Variants in NSD1 observed in about 807,000 individuals in gnomAD.
The protein encoded by NSD1 is histone-lysine N-methyltransferase, H3 lysine-36 specific.
In NSD1, 26 loss-of-function variants were observed where a neutral mutation model predicts 242.7. The ratio of observed to expected loss-of-function variants is 0.11; its 90% CI spans 0.08 to 0.15. NSD1 has a LOEUF of 0.15. Ranked by LOEUF, NSD1 falls within the 10% of genes least tolerant of loss-of-function variation. NSD1 has a pLI of 1.00. For synonymous variants in NSD1, 1,106 were observed against 1,178.1 expected, an observed-to-expected ratio of 0.94 and a Z score of 1.25; for missense variants, 2,495 against 3,272.8, an observed-to-expected ratio of 0.76 and a Z score of 5.80.
chr5:177,265,860 T>G (rs1757392845), intron 14 of NSD1: 1 of 1,465,132 alleles, frequency 6.8e-7, no homozygotes, highest in Non-Finnish European at 9.6e-7. Context: ...ACGTAGTCAT[T>G]CTGCTTCACT....
intron 2 of NSD1, among the ~76,000 whole-genome samples, chr5:177,167,616 C>T (rs756783686): frequency 5.3e-5 from 8 of 152,034 alleles, no homozygotes; most frequent in Non-Finnish European, 1.0e-4. Context: ...TACTCGTAGG[C>T]TACTAGTACA....
At chr5:177,266,260 C>T (rs1757449289) in intron 14 of NSD1, 1 of 764,986 alleles carries the variant, frequency 1.3e-6, no homozygotes, top group Admixed American at 1.8e-5. Flanking sequence ...CCTCCACCTT[C>T]CCCTTGGTGA....
intron 21 of NSD1, 148 bp from the exon 22 acceptor site, chr5:177,291,806 G>A (rs1263878950): frequency 3.1e-5 from 24 of 771,456 alleles, no homozygotes. Context: ...ACGTATCTGT[G>A]ATGTACCAGG....
chr5:177,211,318 G>A lies in NSD1; in HGVS notation c.2919G>A (p.Gln973=), dbSNP rs1451150079. 1 of 1,614,128 alleles carries A rather than the reference G, an allele frequency of 6.2e-7. No homozygotes were observed. The part of the protein sequence containing the change: ...HNSEKKGDGT[Q]NSANPSPSGG... ...CAGAGAAAAAGGGAGATGGCACTCAGAACTCCGCCAATCCTAGCCCTAGTG... is the reference window on the plus strand; with the variant it reads ...CAGAGAAAAAGGGAGATGGCACTCAAAACTCCGCCAATCCTAGCCCTAGTG... Residue 973 remains glutamine, a synonymous_variant, in exon 5 of 23, where the codon CAG becomes CAA. Transcript: ENST00000439151.
At chr5:177,182,463 C>G (rs1760771608) in intron 2 of NSD1, among the ~76,000 whole-genome samples, 1 of 152,070 alleles carries the variant, frequency 6.6e-6, no homozygotes, top group Non-Finnish European at 1.5e-5. Context: ...GTTTTGCTCT[C>G]TTTCCCAGGC....
At position 177,300,141 on chromosome 5, in the gene NSD1, C is replaced by T. The variant is rs867409662; in HGVS notation, c.*4682C>T. On this transcript the variant is annotated 3_prime_UTR_variant, in exon 23 of 23. Transcript: ENST00000439151. ...AGGGGAGCCCTGTGTTAGGAGTCCC[C>T]ATAAACATGTACTGTAATTCTTTGT... 8 of 225,444 alleles carry T rather than the reference C, an allele frequency of 3.5e-5. No homozygotes were observed. Among genetic ancestry groups the T allele is most frequent in the Middle Eastern group, 1.4e-3 (1 of 740 alleles). 14.0% of individuals were successfully genotyped at this position (225,444 alleles called of 1,614,324 possible). A position where few individuals can be genotyped will look rare whatever the true frequency, so the allele number is the denominator to read the frequency against.
At chr5:177,220,326 T>C (rs962471115) in intron 5 of NSD1, among the ~76,000 whole-genome samples, 1 of 152,108 alleles carries the variant, frequency 6.6e-6, no homozygotes, top group Non-Finnish European at 1.5e-5. Context: ...TTACCTAAAG[T>C]GTATTTTGTT....
intron 2 of NSD1, among the ~76,000 whole-genome samples, chr5:177,171,089 G>A (rs969729817): frequency 6.6e-6 from 1 of 151,410 alleles, no homozygotes; most frequent in African/African-American, 2.4e-5. Flanking sequence ...TTGGGAGGCC[G>A]AGGTGGACAG....
chr5:177,267,953 GTTTTTTT>G (rs35703730), intron 15 of NSD1, among the ~76,000 whole-genome samples: 1 of 135,736 alleles, frequency 7.4e-6, no homozygotes, highest in Non-Finnish European at 1.6e-5. Context: ...TTTGTGAAAA[GTTTTTTT>G]TTTTTTTTTT....
Position 177,238,599 on chromosome 5 carries a change from T to TATA in NSD1, c.4192+92_4192+93insATA. ...GTTTTGATGTAAAGCCAACATTGTA[T>TATA]CTATATACAATAAACTACCCCCTTT... On this transcript the variant is annotated intron_variant, in intron 7 of 22. Transcript: ENST00000439151. This position sits in a 1 kb window ranked among gnomAD's most constrained non-coding sequence, Gnocchi z 4.6. The TATA allele has an allele frequency of 7.0e-7, 1 of 1,432,300 alleles. No homozygotes were observed. The highest frequency in any genetic ancestry group is 2.3e-5 in the East Asian group (1 of 44,138). 88.7% of individuals were successfully genotyped at this position (1,432,300 alleles called of 1,614,324 possible). A position where few individuals can be genotyped will look rare whatever the true frequency, so the allele number is the denominator to read the frequency against.
intron 2 of NSD1, among the ~76,000 whole-genome samples, chr5:177,146,972 A>G (rs1335887204): frequency 4.0e-5 from 6 of 149,914 alleles, no homozygotes; most frequent in East Asian, 2.0e-4. Context: ...GCGCCGCTGC[A>G]CTCTAGCCTG....
intron 3 of NSD1, among the ~76,000 whole-genome samples, chr5:177,198,952 T>C (rs1762304849): frequency 6.6e-6 from 1 of 152,240 alleles, no homozygotes; most frequent in African/African-American, 2.4e-5. Context: ...ACCACTAATG[T>C]ACTTTCTGTT....
chr5:177,153,987 G>A (rs1462325366), intron 2 of NSD1, among the ~76,000 whole-genome samples: 4 of 152,022 alleles, frequency 2.6e-5, no homozygotes, highest in Non-Finnish European at 5.9e-5. Context: ...TCATGGAGTG[G>A]CTTAGCTGGA....
At position 177,235,725 on chromosome 5, in the gene NSD1, A is replaced by G. The variant is rs952622478; in HGVS notation, c.3797-96A>G. 6 of 1,519,406 alleles carry G rather than the reference A, an allele frequency of 3.9e-6. No homozygotes were observed. The Admixed American group carries it at 5.3e-5, about 13-fold the overall frequency. The allele number at this position is 1,519,406 out of a possible 1,614,324, so 94.1% of individuals were successfully genotyped here. On this transcript the variant is annotated intron_variant, in intron 5 of 22. Transcript: ENST00000439151. ...AGTCTATTTTACTATGTGGTTTCCC[A>G]TCTGGTTACTTTTGGGAGTATCAGA... is the stretch of plus-strand genomic sequence containing the variant.
intron 14 of NSD1, among the ~76,000 whole-genome samples, chr5:177,264,442 C>G (rs970835799): frequency 6.6e-6 from 1 of 152,086 alleles, no homozygotes; most frequent in African/African-American, 2.4e-5. Flanking sequence ...TTTTAGCACT[C>G]TTTTCCAGCA....
In NSD1 at chr5:177,212,071, T is replaced by C. The variant is rs1390049061; in HGVS notation, c.3672T>C (p.Ala1224=). The C allele has an allele frequency of 5.6e-6, 9 of 1,614,068 alleles. No individual in the cohort carries two copies. The highest frequency in any genetic ancestry group is 1.3e-5 in the African/African-American group (1 of 74,930). Reference sequence around the variant, plus strand: ...AACCACTGACAGAGCAAAATCATGCTGACTGCTTAGATTCAGCTGGGCCAC... The same window carrying C: ...AACCACTGACAGAGCAAAATCATGCCGACTGCTTAGATTCAGCTGGGCCAC... ...LEEPLTEQNH[A]DCLDSAGPRL... Residue 1224 remains alanine, a synonymous_variant, in exon 5 of 23, where the codon GCT becomes GCC. Coordinates refer to ENST00000439151, the MANE Select transcript of NSD1 (RefSeq NM_022455.5).
chr5:177,171,039 C>T (rs868848884), intron 2 of NSD1, among the ~76,000 whole-genome samples: 40 of 150,770 alleles, frequency 2.7e-4, no homozygotes, highest in Middle Eastern at 3.5e-3. Context: ...AAAAGGAAAC[C>T]GGGCGGGGCG....
At position 177,157,832 on chromosome 5, in the gene NSD1, C is replaced by T. The variant is rs77237334; in HGVS notation, c.927+21802C>T. Among the ~76,000 whole-genome samples, 1,300 of 152,294 alleles carry T rather than the reference C, an allele frequency of 8.5e-3. 15 individuals are homozygous for T. Among genetic ancestry groups the T allele is most frequent in the Non-Finnish European group, 0.01 (690 of 68,036 alleles). ...TTTCTATGTATTTGCCTATTCTAGG[C>T]GTTTCATACAAATACAGTCATATAA... On this transcript the variant is annotated intron_variant, in intron 2 of 22. Transcript: ENST00000439151.
chr5:177,279,084 G>T (rs1758629482), intron 17 of NSD1, among the ~76,000 whole-genome samples: 1 of 152,184 alleles, frequency 6.6e-6, no homozygotes, highest in East Asian at 1.9e-4. Context: ...GCTGGGTGTG[G>T]TGATACCTGC....
Sources: gnomAD v4.1 joint callset for allele counts (sites outside exome capture counted in the v4.1 genomes callset) on GRCh38, gnomAD v4.1.1 for gene constraint, Gnocchi (gnomAD v3.1) non-coding constraint, MANE v1.5 for transcripts, NCBI Gene and HGNC (gene_info 2026-07-23, HGNC 2026-07-21) for gene names.